The following CCDC170 variants were observed in gnomAD, a reference collection of about 807,000 sequenced individuals.
CCDC170 encodes the protein coiled-coil domain containing 170.
A neutral mutation model predicts 72.6 loss-of-function variants in CCDC170; 69 were observed. That is an observed-to-expected ratio of 0.95 (90% CI 0.78 to 1.16). CCDC170 has a LOEUF of 1.16. Among genes scored for constraint, CCDC170 ranks in the 50% most tolerant of loss-of-function variants. CCDC170 has a pLI of 0.00. For synonymous variants in CCDC170, 300 were observed against 303.9 expected, an observed-to-expected ratio of 0.99 and a Z score of 0.13; for missense variants, 852 against 832.5, an observed-to-expected ratio of 1.02 and a Z score of -0.29.
intron 7 of CCDC170, 122 bp downstream of exon 7, chr6:151,586,211 C>A: frequency 1.1e-6 from 1 of 949,298 alleles, no homozygotes; most frequent in Non-Finnish European, 1.5e-6. Flanking sequence ...TTGGTTAAGT[C>A]AATTTCAAGG....
intron 2 of CCDC170, among the ~76,000 whole-genome samples, chr6:151,537,038 G>A (rs1404568377): frequency 2.0e-5 from 3 of 152,070 alleles, no homozygotes; most frequent in African/African-American, 7.2e-5. Flanking sequence ...AGCTCCATGG[G>A]CCTCAGAGAA....
intron 5 of CCDC170, among the ~76,000 whole-genome samples, chr6:151,555,437 A>T (rs1314952094): frequency 2.6e-5 from 4 of 152,210 alleles, no homozygotes; most frequent in Non-Finnish European, 5.9e-5. Flanking sequence ...TGAAGAAATG[A>T]CAGACCTCTT....
intron 1 of CCDC170, among the ~76,000 whole-genome samples, chr6:151,524,929 CTTTTT>C (rs34288029): frequency 4.5e-5 from 5 of 110,014 alleles, no homozygotes; most frequent in African/African-American, 1.5e-4. Flanking sequence ...TAGTCTGATT[CTTTTT>C]TTTTTTTTTT....
At chr6:151,584,069 A>T (rs937802151) in intron 6 of CCDC170, among the ~76,000 whole-genome samples, 2 of 152,258 alleles carry the variant, frequency 1.3e-5, no homozygotes, top group African/African-American at 4.8e-5. Context: ...ACAGGGACAC[A>T]AAGTGAGCGT....
chr6:151,561,147 G>A (rs1381526120), intron 5 of CCDC170, among the ~76,000 whole-genome samples: 1 of 151,984 alleles, frequency 6.6e-6, no homozygotes, highest in African/African-American at 2.4e-5. Context: ...GCCATGCAAT[G>A]TGTAATAATC....
In CCDC170 at chr6:151,596,866, G is replaced by A. The variant is rs569783741; in HGVS notation, c.1710+289G>A. 7.2e-5 allele frequency among the ~76,000 whole-genome samples: 11 copies of A among 152,220 alleles called. No homozygotes were observed. In the East Asian group the frequency reaches 1.9e-3, roughly 27 times the overall value. ...TTTGAGGAGGAGTTTCGCTCTTGTTGCCCAGGCTAGAGTGCAATGACGTGA... is the reference window on the plus strand; with the variant it reads ...TTTGAGGAGGAGTTTCGCTCTTGTTACCCAGGCTAGAGTGCAATGACGTGA... On this transcript the variant is annotated intron_variant, in intron 9 of 10. Coordinates refer to ENST00000239374, the MANE Select transcript of CCDC170 (RefSeq NM_025059.4).
At chr6:151,596,664 G>A (rs376491260) in intron 9 of CCDC170, 87 bp downstream of exon 9, 20 of 1,514,410 alleles carry the variant, frequency 1.3e-5, no homozygotes, top group African/African-American at 8.4e-5. Flanking sequence ...ATCGGGACAC[G>A]CCAGAAGAAG....
intron 6 of CCDC170, among the ~76,000 whole-genome samples, chr6:151,582,591 A>T (rs143382695): frequency 6.6e-6 from 1 of 152,224 alleles, no homozygotes; most frequent in Non-Finnish European, 1.5e-5. Context: ...AGAATACCTG[A>T]GGCTGAGTAA....
Position 151,544,702 on chromosome 6 carries a change from G to A in CCDC170, c.574G>A (p.Asp192Asn), listed in dbSNP as rs761025789. 6 of 1,611,588 alleles carry A rather than the reference G, an allele frequency of 3.7e-6. No individual in the cohort carries two copies. The South Asian group carries it at 6.6e-5, about 18-fold the overall frequency. The change falls in exon 4 of 11, where the codon GAT becomes AAT. Residue 192 changes from aspartate to asparagine, a missense_variant. Asp to Asn is a conservative substitution (Grantham distance 23, BLOSUM62 1). Coordinates refer to ENST00000239374, the MANE Select transcript of CCDC170 (RefSeq NM_025059.4). The stretch of plus-strand genomic sequence containing the variant: ...GAGGAATGACAAGGCATCAGATGAA[G>A]ATTTAATTTTAAAGGTGTCTGTATG... ...DERNDKASDEDLILKLRDLRK... is the reference protein window; with the variant it reads ...DERNDKASDENLILKLRDLRK...
chr6:151,563,029 T>G (rs1283701460), intron 5 of CCDC170, among the ~76,000 whole-genome samples: 3 of 152,214 alleles, frequency 2.0e-5, no homozygotes, highest in Non-Finnish European at 2.9e-5. Flanking sequence ...TATGCCCCTC[T>G]GATGACTACC....
intron 1 of CCDC170, among the ~76,000 whole-genome samples, chr6:151,517,076 C>T (rs1782246344): frequency 6.6e-6 from 1 of 152,172 alleles, no homozygotes; most frequent in Admixed American, 6.5e-5. Flanking sequence ...TGGCTCACGC[C>T]TATAATCCTA....
Position 151,553,755 on chromosome 6 carries a change from T to TA in CCDC170, c.774+5273dup, listed in dbSNP as rs933054543. Among the ~76,000 whole-genome samples the TA allele has an allele frequency of 7.2e-5, 11 of 152,070 alleles. No individual in the cohort carries two copies. The South Asian group carries it at 8.3e-4, about 11-fold the overall frequency. On this transcript the variant is annotated intron_variant, in intron 5 of 10. Transcript: ENST00000239374. The stretch of plus-strand genomic sequence containing the variant: ...GTAAAAAAAAAAATTATATGGGCAA[T>TA]AAAAAAACTTGAGGTCTTTAATAAA...
chr6:151,547,346 T>C (rs1472965852), intron 4 of CCDC170, among the ~76,000 whole-genome samples: 4 of 152,128 alleles, frequency 2.6e-5, no homozygotes, highest in Admixed American at 2.6e-4. Context: ...CAAATAAATA[T>C]CTACGATTGC....
chr6:151,501,737 T>C (rs902433504), intron 1 of CCDC170, among the ~76,000 whole-genome samples: 5 of 152,332 alleles, frequency 3.3e-5, no homozygotes, highest in Admixed American at 2.0e-4. Context: ...TTACCAAATA[T>C]AATGTGTAGT....
intron 5 of CCDC170, 133 bp from the exon 6 acceptor site, chr6:151,573,041 A>T: frequency 2.7e-6 from 2 of 742,680 alleles, no homozygotes; most frequent in South Asian, 1.9e-5. Context: ...ACTTGGAGTT[A>T]AAAATGGAAG....
At chr6:151,529,264 G>C (rs1316757575) in intron 1 of CCDC170, among the ~76,000 whole-genome samples, 2 of 152,138 alleles carry the variant, frequency 1.3e-5, no homozygotes, top group Admixed American at 6.5e-5. Context: ...CATATTACCT[G>C]TTGCATAGGA....
intron 9 of CCDC170, among the ~76,000 whole-genome samples, chr6:151,606,098 C>T (rs1056212133): frequency 6.6e-6 from 1 of 152,106 alleles, no homozygotes; most frequent in African/African-American, 2.4e-5. Context: ...GACGGGGTTT[C>T]AGCATTTTGG....
intron 1 of CCDC170, among the ~76,000 whole-genome samples, chr6:151,527,510 G>T (rs1036146105): frequency 6.6e-6 from 1 of 152,148 alleles, no homozygotes; most frequent in Non-Finnish European, 1.5e-5. Context: ...AAAATTGACA[G>T]GATGAATGAT....
intron 9 of CCDC170, among the ~76,000 whole-genome samples, chr6:151,605,092 G>A (rs1776764263): frequency 6.6e-6 from 1 of 152,060 alleles, no homozygotes; most frequent in African/African-American, 2.4e-5. Flanking sequence ...TCTACTCTCT[G>A]CATCTATGCA....
Sources: gnomAD v4.1 joint callset for allele counts (sites outside exome capture counted in the v4.1 genomes callset) on GRCh38, gnomAD v4.1.1 for gene constraint, MANE v1.5 for transcripts, NCBI Gene and HGNC (gene_info 2026-07-23, HGNC 2026-07-21) for gene names.